Variants in MBNL2 observed in about 807,000 individuals in gnomAD.
MBNL2 encodes muscleblind-like protein 2.
MBNL2 carries 17 observed loss-of-function variants against 41.9 expected under a neutral mutation model. The observed-to-expected ratio is 0.41, with a 90% CI of 0.28 to 0.61. The LOEUF (loss-of-function observed/expected upper bound fraction) is 0.61, where lower values mean the gene tolerates loss of function less well. Among genes scored for constraint, MBNL2 ranks in the 20% least tolerant of loss-of-function variants. The pLI, the probability that MBNL2 is intolerant of heterozygous loss-of-function variation, is 0.35. For synonymous variants in MBNL2, 195 were observed against 182.9 expected, an observed-to-expected ratio of 1.07 and a Z score of -0.53; for missense variants, 336 against 505.6, an observed-to-expected ratio of 0.66 and a Z score of 3.22.
the MBNL2 span, among the ~76,000 whole-genome samples, chr13:97,190,865 C>T: frequency 6.6e-6 from 1 of 152,194 alleles, no homozygotes; most frequent in Non-Finnish European, 1.5e-5. Context: ...CAAACATTCA[C>T]AAATCAGGAA....
the MBNL2 span, among the ~76,000 whole-genome samples, chr13:97,165,527 G>A: frequency 6.6e-6 from 1 of 152,070 alleles, no homozygotes; most frequent in Admixed American, 6.6e-5. Context: ...ATTTCAGTTG[G>A]GAGGTTTAGG....
chr13:97,288,358 C>T (rs1445135008), intron 2 of MBNL2, among the ~76,000 whole-genome samples: 2 of 152,126 alleles, frequency 1.3e-5, no homozygotes, highest in Non-Finnish European at 2.9e-5. Flanking sequence ...CCTGAGAGGA[C>T]CCAAGAAATT....
chr13:97,378,124 G>GA (rs1267376630), intron 8 of MBNL2, among the ~76,000 whole-genome samples: 5 of 152,156 alleles, frequency 3.3e-5, no homozygotes, highest in Admixed American at 2.0e-4. Context: ...ACCAGGAAAT[G>GA]AAAATAATTG....
At chr13:97,254,179 G>A (rs2047103662) in intron 1 of MBNL2, among the ~76,000 whole-genome samples, 1 of 152,182 alleles carries the variant, frequency 6.6e-6, no homozygotes, top group South Asian at 2.1e-4. Flanking sequence ...AAGCCACCAT[G>A]CCCAGCCCAA....
the MBNL2 span, among the ~76,000 whole-genome samples, chr13:97,204,455 A>G: frequency 6.6e-6 from 1 of 152,234 alleles, no homozygotes; most frequent in African/African-American, 2.4e-5. Flanking sequence ...TGTCATTCTA[A>G]GTACACATAA....
chr13:97,250,522 C>A (rs1244270730), intron 1 of MBNL2, among the ~76,000 whole-genome samples: 2 of 124,226 alleles, frequency 1.6e-5, no homozygotes, highest in East Asian at 4.7e-4. Context: ...AAACATAAAC[C>A]AAAATGCTCT....
intron 3 of MBNL2, among the ~76,000 whole-genome samples, chr13:97,338,518 C>T (rs2153072547): frequency 6.6e-6 from 1 of 152,306 alleles, no homozygotes; most frequent in East Asian, 1.9e-4. Flanking sequence ...CCTTTCTCTC[C>T]CCTGACAACC....
the MBNL2 span, among the ~76,000 whole-genome samples, chr13:97,214,070 A>T: frequency 6.6e-6 from 1 of 152,204 alleles, no homozygotes; most frequent in Non-Finnish European, 1.5e-5. Flanking sequence ...GTTGAAGAAC[A>T]AGTTACGTTA....
the MBNL2 span, among the ~76,000 whole-genome samples, chr13:97,209,527 T>C: frequency 6.6e-6 from 1 of 152,240 alleles, no homozygotes; most frequent in South Asian, 2.1e-4. Flanking sequence ...GTGCAATTAA[T>C]GCTTTATAAT....
chr13:97,184,075 AT>A, the MBNL2 span, among the ~76,000 whole-genome samples: 2 of 152,238 alleles, frequency 1.3e-5, no homozygotes, highest in Non-Finnish European at 2.9e-5. Flanking sequence ...GATCCAAACC[AT>A]GGGTTTTAAA....
At chr13:97,188,086 C>T in the MBNL2 span, among the ~76,000 whole-genome samples, 1 of 152,046 alleles carries the variant, frequency 6.6e-6, no homozygotes, top group East Asian at 1.9e-4. Flanking sequence ...GAATATTTTC[C>T]CTAGATTCAC....
chr13:97,305,869 A>C lies in MBNL2; in HGVS notation c.175-28407A>C, dbSNP rs764231349. On this transcript the variant is annotated intron_variant, in intron 2 of 8. Coordinates refer to ENST00000679496, the MANE Select transcript of MBNL2 (RefSeq NM_001382683.1). Reference sequence around the variant, plus strand: ...ATGAAAAGTTCAAGATATTTGACAGAGAGCTACCCAAGCAATAATTATTTC... The same window carrying C: ...ATGAAAAGTTCAAGATATTTGACAGCGAGCTACCCAAGCAATAATTATTTC... Among the ~76,000 whole-genome samples the C allele has an allele frequency of 1.8e-4, 27 of 152,206 alleles. 1 individual carries two copies. Among genetic ancestry groups the C allele is most frequent in the Non-Finnish European group, 7.3e-5 (5 of 68,042 alleles).
chr13:97,338,968 A>T (rs1002341978), intron 3 of MBNL2, among the ~76,000 whole-genome samples: 9 of 152,256 alleles, frequency 5.9e-5, no homozygotes, highest in African/African-American at 1.9e-4. Flanking sequence ...CCTTGCTGCT[A>T]CAAAATAGCA....
chr13:97,235,660 G>A lies in MBNL2; in HGVS notation c.-605+13129G>A, dbSNP rs563295800. On this transcript the variant is annotated intron_variant, in intron 1 of 8. Coordinates refer to ENST00000679496, the MANE Select transcript of MBNL2 (RefSeq NM_001382683.1). ...AGAAAAACATGCCGGCGCAGCCTGT[G>A]CGCTTTGTCAGGTTAACAGAATGGA... Among the ~76,000 whole-genome samples the A allele has an allele frequency of 1.9e-3, 282 of 152,298 alleles. 2 individuals carry two copies. Among genetic ancestry groups the A allele is most frequent in the Non-Finnish European group, 2.4e-3 (163 of 68,036 alleles).
At chr13:97,332,381 TC>T (rs1274354135) in intron 2 of MBNL2, among the ~76,000 whole-genome samples, 2 of 152,200 alleles carry the variant, frequency 1.3e-5, no homozygotes, top group Non-Finnish European at 2.9e-5. Flanking sequence ...GGCAGCCAAT[TC>T]AAAGACTTTG....
intron 1 of MBNL2, among the ~76,000 whole-genome samples, chr13:97,266,516 A>G (rs555898237): frequency 6.6e-6 from 1 of 152,306 alleles, no homozygotes; most frequent in East Asian, 1.9e-4. Flanking sequence ...CTGGAGATCA[A>G]GTGGCTCTCA....
chr13:97,352,061 T>TAAATAATA (rs377716664), intron 5 of MBNL2, among the ~76,000 whole-genome samples: 2 of 126,464 alleles, frequency 1.6e-5, no homozygotes, highest in Non-Finnish European at 3.6e-5. Flanking sequence ...AATAAATAAA[T>TAAATAATA]AATAAATAAA....
chr13:97,393,633 C>G lies in MBNL2; in HGVS notation c.*2184C>G, dbSNP rs953281071. 1.3e-5 allele frequency: 2 copies of G among 152,380 alleles called. No homozygotes were observed. Among genetic ancestry groups the G allele is most frequent in the South Asian group, 2.1e-4 (1 of 4,832 alleles). The allele number at this position is 152,380 out of a possible 1,614,324, so 9.4% of individuals were successfully genotyped here. ...ATGCATAGATGTACAAATATATGTA[C>G]AACAGATTTTGCTTTTTATTTATTT... On this transcript the variant is annotated 3_prime_UTR_variant, in exon 9 of 9. Coordinates refer to ENST00000679496, the MANE Select transcript of MBNL2 (RefSeq NM_001382683.1).
rs2152928178 is a variant in MBNL2, at chr13:97,276,206, GAAAC to G, written c.-24_-21del. 1.3e-6 allele frequency: 2 copies of G among 1,586,048 alleles called. No homozygotes were observed. The highest frequency in any genetic ancestry group is 4.5e-5 in the East Asian group (2 of 44,600). ...CTTGGATTGATTTCATCATTTAACA[GAAAC>G]AAACAGCCCAAATTACTTTATCACC... On this transcript the variant is annotated 5_prime_UTR_variant, in exon 2 of 9. Transcript: ENST00000679496.
Sources: allele counts gnomAD v4.1 joint callset (sites outside exome capture counted in the v4.1 genomes callset), GRCh38; gene constraint gnomAD v4.1.1; transcripts MANE v1.5; gene names NCBI Gene and HGNC (gene_info 2026-07-23, HGNC 2026-07-21).